The following LIN7A variants were observed in gnomAD, a reference collection of about 807,000 sequenced individuals.
LIN7A encodes lin-7 cell polarity scaffold A, also known as protein lin-7 homolog A.
In LIN7A, 25 loss-of-function variants were observed where a neutral mutation model predicts 29.8. The ratio of observed to expected loss-of-function variants is 0.84; its 90% CI spans 0.61 to 1.17. The LOEUF is 1.17. Ranked by LOEUF, LIN7A falls within the 50% of genes most tolerant of loss-of-function variation. The pLI, the probability that LIN7A is intolerant of heterozygous loss-of-function variation, is 0.00. For missense variants in LIN7A, 239 were observed against 287.0 expected (o/e 0.83, Z 1.21); for synonymous variants, 118 against 107.5 (o/e 1.10, Z -0.60).
chr12:80,862,267 C>A (rs944518168), intron 2 of LIN7A, among the ~76,000 whole-genome samples: 3 of 152,104 alleles, frequency 2.0e-5, no homozygotes, highest in Non-Finnish European at 2.9e-5. Context: ...TGGATCTTAA[C>A]CTTTTATGTG....
At chr12:80,838,053 A>G (rs930706924) in intron 4 of LIN7A, among the ~76,000 whole-genome samples, 2 of 152,236 alleles carry the variant, frequency 1.3e-5, no homozygotes, top group Non-Finnish European at 1.5e-5. Flanking sequence ...AAAAATAACT[A>G]TGAGAAAGAC....
At chr12:80,904,118 ATAAC>A (rs1173083548) in intron 1 of LIN7A, among the ~76,000 whole-genome samples, 1 of 152,156 alleles carries the variant, frequency 6.6e-6, no homozygotes, top group African/African-American at 2.4e-5. Context: ...TCAAAATAAT[ATAAC>A]TAAATTAATA....
chr12:80,816,683 C>G (rs1201865811), intron 4 of LIN7A, among the ~76,000 whole-genome samples: 2 of 152,184 alleles, frequency 1.3e-5, no homozygotes, highest in African/African-American at 4.8e-5. Flanking sequence ...CAACCTCATA[C>G]AGCAGTAAGC....
At chr12:80,886,551 C>G (rs1049626671) in intron 2 of LIN7A, among the ~76,000 whole-genome samples, 1 of 151,944 alleles carries the variant, frequency 6.6e-6, no homozygotes, top group Non-Finnish European at 1.5e-5. Context: ...AAATGTTAGC[C>G]AAGATGAAGT....
intron 1 of LIN7A, among the ~76,000 whole-genome samples, chr12:80,929,676 A>G (rs932241322): frequency 6.6e-6 from 1 of 152,098 alleles, no homozygotes; most frequent in Non-Finnish European, 1.5e-5. Flanking sequence ...TGGGATCACC[A>G]CTTTCTTTTC....
chr12:80,909,167 C>A (rs2120787914), intron 1 of LIN7A, among the ~76,000 whole-genome samples: 1 of 152,068 alleles, frequency 6.6e-6, no homozygotes, highest in South Asian at 2.1e-4. Context: ...GATTGAGGTT[C>A]AATTTTTTGC....
intron 1 of LIN7A, among the ~76,000 whole-genome samples, chr12:80,907,323 A>G (rs1268794859): frequency 6.6e-6 from 1 of 151,976 alleles, no homozygotes; most frequent in East Asian, 1.9e-4. Flanking sequence ...TATCTTTTTG[A>G]CAGCTATGAT....
chr12:80,904,822 C>A (rs1876390989), intron 1 of LIN7A, among the ~76,000 whole-genome samples: 1 of 151,988 alleles, frequency 6.6e-6, no homozygotes, highest in Non-Finnish European at 1.5e-5. Context: ...TTCATATATA[C>A]CTATACATGT....
At chr12:80,937,521 G>T (rs955265273) in intron 1 of LIN7A, 120 bp downstream of exon 1, 10 of 625,734 alleles carry the variant, frequency 1.6e-5, no homozygotes, top group Non-Finnish European at 2.0e-5. Flanking sequence ...TTCCTGGCTC[G>T]TCCTCGTTCC....
At chr12:80,909,783 T>C (rs1401834034) in intron 1 of LIN7A, among the ~76,000 whole-genome samples, 1 of 152,134 alleles carries the variant, frequency 6.6e-6, no homozygotes. Flanking sequence ...CTTTCAACTT[T>C]GCTCTTGCTT....
intron 4 of LIN7A, among the ~76,000 whole-genome samples, chr12:80,829,525 G>A (rs570422824): frequency 6.6e-6 from 1 of 152,128 alleles, no homozygotes; most frequent in African/African-American, 2.4e-5. Context: ...AATGTTCAAT[G>A]GAAAAATCAT....
intron 1 of LIN7A, among the ~76,000 whole-genome samples, chr12:80,913,136 T>C (rs1253634004): frequency 6.6e-6 from 1 of 152,218 alleles, no homozygotes; most frequent in Non-Finnish European, 1.5e-5. Flanking sequence ...CTGTTCCTTA[T>C]TTCTCTTCCA....
intron 1 of LIN7A, among the ~76,000 whole-genome samples, chr12:80,903,560 T>G (rs1311201403): frequency 6.6e-6 from 1 of 152,180 alleles, no homozygotes; most frequent in African/African-American, 2.4e-5. Flanking sequence ...TAGTATTGCA[T>G]GGTGTATATA....
intron 2 of LIN7A, among the ~76,000 whole-genome samples, chr12:80,875,803 T>C (rs1920992): frequency 0.68 from 103,486 of 152,092 alleles, 39,168 homozygotes; most frequent in Non-Finnish European, 0.87. Context: ...CATTTTCTAC[T>C]TTCAGTCTAA....
At chr12:80,816,861 C>G (rs778352531) in intron 4 of LIN7A, among the ~76,000 whole-genome samples, 32 of 152,350 alleles carry the variant, frequency 2.1e-4, no homozygotes, top group Middle Eastern at 6.8e-3. Context: ...CTCCATCTCC[C>G]AGGTCCAAGC....
chr12:80,848,208 A>G (rs370898918), intron 3 of LIN7A, 43 bp downstream of exon 3: 1 of 1,412,146 alleles, frequency 7.1e-7, no homozygotes, highest in African/African-American at 1.4e-5. Flanking sequence ...CAATTACTAG[A>G]TAACTGGGGT....
intron 5 of LIN7A, among the ~76,000 whole-genome samples, chr12:80,808,267 T>C (rs192494801): frequency 6.6e-5 from 10 of 152,304 alleles, no homozygotes; most frequent in Admixed American, 3.9e-4. Flanking sequence ...ACAGTCAAGT[T>C]GCTACCAAGC....
At chr12:80,920,653 T>C (rs1877254714) in intron 1 of LIN7A, among the ~76,000 whole-genome samples, 1 of 152,190 alleles carries the variant, frequency 6.6e-6, no homozygotes, top group Admixed American at 6.5e-5. Flanking sequence ...ATTTACAGTT[T>C]ACAAAGAGAA....
chr12:80,918,066 G>A (rs1165878852), intron 1 of LIN7A, among the ~76,000 whole-genome samples: 1 of 149,222 alleles, frequency 6.7e-6, no homozygotes, highest in Non-Finnish European at 1.5e-5. Flanking sequence ...TTTTTTTTCT[G>A]AGACATCATC....
Sources: allele counts gnomAD v4.1 joint callset (sites outside exome capture counted in the v4.1 genomes callset), GRCh38; gene constraint gnomAD v4.1.1; transcripts MANE v1.5; gene names NCBI Gene and HGNC (gene_info 2026-07-23, HGNC 2026-07-21).